Variants in KCNU1 observed in about 807,000 individuals in gnomAD.
The protein encoded by KCNU1 is potassium calcium-activated channel subfamily U member 1.
Under a neutral mutation model 126.8 loss-of-function variants are expected in KCNU1, and 93 were observed. That is an observed-to-expected ratio of 0.73 (90% CI 0.62 to 0.87). KCNU1 has a LOEUF of 0.87. Among genes scored for constraint, KCNU1 ranks in the 40% least tolerant of loss-of-function variants. The pLI is 0.00. For missense variants in KCNU1, 1,330 were observed against 1,367.1 expected (o/e 0.97, Z 0.43); for synonymous variants, 523 against 494.2 (o/e 1.06, Z -0.77).
chr8:36,926,777 G>A (rs745587119), intron 24 of KCNU1, among the ~76,000 whole-genome samples: 7 of 152,032 alleles, frequency 4.6e-5, no homozygotes, highest in East Asian at 3.9e-4. Flanking sequence ...AGAGATCTGC[G>A]TCCCACTGCA....
At chr8:36,910,632 A>G (rs1807832542) in intron 21 of KCNU1, among the ~76,000 whole-genome samples, 1 of 151,038 alleles carries the variant, frequency 6.6e-6, no homozygotes, top group South Asian at 2.1e-4. Context: ...CCCTGACCCT[A>G]CTCTCTTCTT....
intron 24 of KCNU1, among the ~76,000 whole-genome samples, chr8:36,926,485 C>A (rs1408345667): frequency 6.6e-6 from 1 of 152,042 alleles, no homozygotes; most frequent in Non-Finnish European, 1.5e-5. Flanking sequence ...GAGGCGCCTG[C>A]ATAAGATTCA....
rs117815960 is a variant in KCNU1 at position 36,923,993 on chromosome 8, T to C, written c.2736+1364T>C. Among the ~76,000 whole-genome samples the C allele has an allele frequency of 9.0e-3, 1,377 of 152,326 alleles. 11 individuals are homozygous for C. Among genetic ancestry groups the C allele is most frequent in the Middle Eastern group, 0.034 (10 of 294 alleles). ...AGAACTAATAGTTGACAGGAGGCTTTAGAGTAAGGAGCTATTATTCCTGGT... is the reference window on the plus strand; with the variant it reads ...AGAACTAATAGTTGACAGGAGGCTTCAGAGTAAGGAGCTATTATTCCTGGT... On this transcript the variant is annotated intron_variant, in intron 24 of 26. Transcript: ENST00000399881.
At chr8:36,884,666 G>A (rs1212580914) in intron 19 of KCNU1, among the ~76,000 whole-genome samples, 1 of 152,056 alleles carries the variant, frequency 6.6e-6, no homozygotes, top group Non-Finnish European at 1.5e-5. Context: ...AACCCAGGAG[G>A]TGGAGGTTGC....
chr8:36,798,014 G>A (rs1414739902), intron 2 of KCNU1, among the ~76,000 whole-genome samples: 4 of 152,156 alleles, frequency 2.6e-5, no homozygotes, highest in South Asian at 4.1e-4. Context: ...AAAGGGAACC[G>A]TTTGTTGCTT....
chr8:36,902,968 TA>T lies in KCNU1; in HGVS notation c.2010-2739del, dbSNP rs796436409. Among the ~76,000 whole-genome samples, 9 of 152,270 alleles carry T rather than the reference TA, an allele frequency of 5.9e-5. 1 individual carries two copies. The highest frequency in any genetic ancestry group is 2.2e-4 in the African/African-American group (9 of 41,562). On this transcript the variant is annotated intron_variant, in intron 19 of 26. Coordinates refer to ENST00000399881, the MANE Select transcript of KCNU1 (RefSeq NM_001031836.3). The stretch of plus-strand genomic sequence containing the variant: ...AAGCTTATATGTTACATTGTCTAGC[TA>T]GGCAAATGATTAGAATTCACTAAAC...
At chr8:36,827,875 G>A (rs1446357254) in intron 10 of KCNU1, among the ~76,000 whole-genome samples, 1 of 152,096 alleles carries the variant, frequency 6.6e-6, no homozygotes, top group Non-Finnish European at 1.5e-5. Flanking sequence ...TTGTACCATT[G>A]TAGAGACTTG....
At chr8:36,852,425 G>A (rs969944242) in intron 18 of KCNU1, among the ~76,000 whole-genome samples, 4 of 152,046 alleles carry the variant, frequency 2.6e-5, no homozygotes, top group African/African-American at 4.8e-5. Context: ...TTTTTGGAAC[G>A]GTTTGTGAAG....
chr8:36,926,569 G>C (rs1808540644), intron 24 of KCNU1, among the ~76,000 whole-genome samples: 1 of 152,182 alleles, frequency 6.6e-6, no homozygotes, highest in Admixed American at 6.5e-5. Context: ...AGGACCAACA[G>C]AGAGGCATAA....
At chr8:36,789,263 G>A (rs1468675262) in intron 2 of KCNU1, among the ~76,000 whole-genome samples, 1 of 152,104 alleles carries the variant, frequency 6.6e-6, no homozygotes, top group Non-Finnish European at 1.5e-5. Flanking sequence ...GGCTGCGATA[G>A]GAGGATCGCT....
At chr8:36,913,960 C>T (rs1020477938) in intron 22 of KCNU1, among the ~76,000 whole-genome samples, 1 of 152,126 alleles carries the variant, frequency 6.6e-6, no homozygotes, top group East Asian at 1.9e-4. Context: ...GGCTATTACC[C>T]AGAATCTTCC....
chr8:36,894,547 C>A (rs1228310471), intron 19 of KCNU1, among the ~76,000 whole-genome samples: 1 of 152,212 alleles, frequency 6.6e-6, no homozygotes, highest in East Asian at 1.9e-4. Flanking sequence ...ATATCAATAT[C>A]ACTTAAAAAT....
chr8:36,927,623 T>C (rs1291695303), intron 24 of KCNU1, among the ~76,000 whole-genome samples: 1 of 152,152 alleles, frequency 6.6e-6, no homozygotes, highest in Non-Finnish European at 1.5e-5. Context: ...CAAAGAATGT[T>C]TGATCTTAAG....
At position 36,788,851 on chromosome 8, in the gene KCNU1, A is replaced by G. The variant is rs181941150; in HGVS notation, c.315+1426A>G. On this transcript the variant is annotated intron_variant, in intron 2 of 26. Coordinates refer to ENST00000399881, the MANE Select transcript of KCNU1 (RefSeq NM_001031836.3). ...GTGTGAGAAACTTTGGGAATAATAT[A>G]TTAAAGGTCACTAGGGTGAGGGAGA... 1.3e-3 allele frequency among the ~76,000 whole-genome samples: 204 copies of G among 152,296 alleles called. 2 individuals carry two copies. The highest frequency in any genetic ancestry group is 2.1e-3 in the South Asian group (10 of 4,814).
intron 19 of KCNU1, among the ~76,000 whole-genome samples, chr8:36,865,522 T>G (rs761449745): frequency 4.0e-5 from 6 of 151,502 alleles, no homozygotes; most frequent in Non-Finnish European, 5.9e-5. Flanking sequence ...TCCCAGTGCT[T>G]TAGGAGGCTG....
rs1031662706 is a variant in KCNU1 at position 36,874,262 on chromosome 8, G to A, written c.2009+9741G>A. Among the ~76,000 whole-genome samples the A allele has an allele frequency of 5.3e-5, 8 of 152,146 alleles. No individual in the cohort carries two copies. In the East Asian group the frequency reaches 7.7e-4, roughly 15 times the overall value. ...TCTTTTTTATTTATAAGCCCATCTC[G>A]CTTTAAGCAATAGTCATGTTCCTTA... On this transcript the variant is annotated intron_variant, in intron 19 of 26. Coordinates refer to ENST00000399881, the MANE Select transcript of KCNU1 (RefSeq NM_001031836.3).
chr8:36,894,648 A>G (rs917125178), intron 19 of KCNU1, among the ~76,000 whole-genome samples: 1 of 152,124 alleles, frequency 6.6e-6, no homozygotes, highest in Non-Finnish European at 1.5e-5. Flanking sequence ...TCAAGGAGTC[A>G]AGGCAGAGTC....
chr8:36,890,030 T>C (rs1287527517), intron 19 of KCNU1, among the ~76,000 whole-genome samples: 1 of 151,994 alleles, frequency 6.6e-6, no homozygotes, highest in African/African-American at 2.4e-5. Context: ...TTCTTCAAAA[T>C]TGAAGGAAAC....
chr8:36,834,809 G>C lies in KCNU1; in HGVS notation c.1236G>C (p.Leu412=). The C allele has an allele frequency of 6.2e-7, 1 of 1,611,760 alleles. No homozygotes were observed. Among genetic ancestry groups the C allele is most frequent in the Non-Finnish European group, 8.5e-7 (1 of 1,178,532 alleles). ...AGGTGGAATCTGCAGAGGCATGCCT[G>C]ATTATAGCCAATCCTTTGTGCAGTG... The part of the protein sequence containing the change: ...RVAVESAEAC[L]IIANPLCSDS... The change falls in exon 12 of 27, where the codon CTG becomes CTC. Residue 412 remains leucine (L), a synonymous_variant. Coordinates refer to ENST00000399881, the MANE Select transcript of KCNU1 (RefSeq NM_001031836.3).
Sources: allele counts gnomAD v4.1 joint callset (sites outside exome capture counted in the v4.1 genomes callset), GRCh38; gene constraint gnomAD v4.1.1; transcripts MANE v1.5; gene names NCBI Gene and HGNC (gene_info 2026-07-23, HGNC 2026-07-21).